The following PTK2 variants were observed in gnomAD, a reference collection of about 807,000 sequenced individuals.
The protein encoded by PTK2 is focal adhesion kinase 1.
Under a neutral mutation model 150.1 loss-of-function variants are expected in PTK2, and 45 were observed. The ratio of observed to expected loss-of-function variants is 0.30; its 90% CI spans 0.24 to 0.38. The LOEUF (loss-of-function observed/expected upper bound fraction) is 0.38, where lower values mean the gene tolerates loss of function less well. Among genes scored for constraint, PTK2 ranks in the 10% least tolerant of loss-of-function variants. The pLI, the probability that PTK2 is intolerant of heterozygous loss-of-function variation, is 1.00. For synonymous variants in PTK2, 432 were observed against 449.2 expected, an observed-to-expected ratio of 0.96 and a Z score of 0.48; for missense variants, 919 against 1,307.3, an observed-to-expected ratio of 0.70 and a Z score of 4.58.
exon 7 of PTK2, chr8:140,846,295 A>G (rs767397696): frequency 6.2e-7 from 1 of 1,612,566 alleles, no homozygotes; most frequent in South Asian, 1.1e-5. Flanking sequence ...TTTCTAGTGC[A>G]TTGCCCCGCA....
At chr8:140,707,563 C>T (rs1168694647) in intron 23 of PTK2, among the ~76,000 whole-genome samples, 1 of 151,792 alleles carries the variant, frequency 6.6e-6, no homozygotes, top group Admixed American at 6.6e-5. Context: ...CGGCACCTCA[C>T]CAGGCTAATT....
chr8:140,681,020 T>C (rs1210669629), intron 27 of PTK2, among the ~76,000 whole-genome samples: 1 of 152,194 alleles, frequency 6.6e-6, no homozygotes, highest in African/African-American at 2.4e-5. Context: ...TAAACAGACA[T>C]CTGCTGATGG....
chr8:140,871,347 TTTACATAA>T lies in PTK2; in HGVS notation c.363-6956_363-6949del, dbSNP rs1403816061. On this transcript the variant is annotated intron_variant, in intron 4 of 31. Transcript: ENST00000522684. ...TTTATTGACCAAATTTCAACAAATG[TTTACATAA>T]TTGGTGACTGGCAATGAAAAATCAG... Among the ~76,000 whole-genome samples the T allele has an allele frequency of 2.6e-5, 4 of 152,326 alleles. No homozygotes were observed. The South Asian group carries it at 6.2e-4, about 24-fold the overall frequency.
At chr8:140,940,448 C>T (rs751257735) in intron 1 of PTK2, 3 of 144,172 alleles carry the variant, frequency 2.1e-5, no homozygotes, top group Non-Finnish European at 4.6e-5. Context: ...GACTCTGTCT[C>T]AAAAAAAAAA....
At chr8:140,987,758 A>G (rs899298402) in intron 1 of PTK2, among the ~76,000 whole-genome samples, 1 of 152,198 alleles carries the variant, frequency 6.6e-6, no homozygotes, top group Non-Finnish European at 1.5e-5. Flanking sequence ...AAGAATTTCA[A>G]CAGGCCAGGT....
chr8:140,687,748 G>C lies in PTK2; in HGVS notation c.2500-1054C>G, dbSNP rs575498122. 9.3e-4 allele frequency among the ~76,000 whole-genome samples: 141 copies of C among 152,260 alleles called. 1 individual carries two copies. The highest frequency in any genetic ancestry group is 3.3e-3 in the African/African-American group (138 of 41,556). On this transcript the variant is annotated intron_variant, in intron 26 of 31. Coordinates refer to ENST00000522684, the Ensembl canonical transcript of PTK2. ...TCTTAACTATCTCTAATCAAAGCGG[G>C]GTCAGTCGTGGGTGCCAGGGTGTAG...
chr8:140,791,481 G>A (rs899885919), intron 13 of PTK2, among the ~76,000 whole-genome samples: 3 of 152,194 alleles, frequency 2.0e-5, no homozygotes, highest in African/African-American at 7.2e-5. Flanking sequence ...TCCAAAGCTA[G>A]AGGTGCACTA....
intron 16 of PTK2, among the ~76,000 whole-genome samples, chr8:140,757,044 T>C (rs571416109): frequency 6.6e-6 from 1 of 152,214 alleles, no homozygotes; most frequent in African/African-American, 2.4e-5. Context: ...AAAAATTATC[T>C]TGTATTTTCA....
intron 8 of PTK2, among the ~76,000 whole-genome samples, chr8:140,826,551 A>G (rs1270680345): frequency 1.3e-5 from 2 of 152,212 alleles, no homozygotes; most frequent in Non-Finnish European, 2.9e-5. Flanking sequence ...CATAGCTAAC[A>G]GTAGCTAAAA....
chr8:140,662,463 T>C (rs1349329641), intron 31 of PTK2, among the ~76,000 whole-genome samples: 1 of 152,182 alleles, frequency 6.6e-6, no homozygotes, highest in African/African-American at 2.4e-5. Context: ...TTCTTGCCTC[T>C]AGCATATGGA....
intron 7 of PTK2, among the ~76,000 whole-genome samples, chr8:140,834,625 G>T (rs896813541): frequency 1.3e-5 from 2 of 152,108 alleles, no homozygotes; most frequent in Middle Eastern, 3.2e-3. Flanking sequence ...AACAGATCAT[G>T]GGATAGAAAA....
chr8:140,785,808 T>C (rs1406272228), intron 14 of PTK2, among the ~76,000 whole-genome samples: 3 of 152,236 alleles, frequency 2.0e-5, no homozygotes, highest in Non-Finnish European at 4.4e-5. Context: ...ATTCTTCATA[T>C]CTGTGAAATG....
At chr8:140,690,465 C>T (rs2100022498) in intron 26 of PTK2, among the ~76,000 whole-genome samples, 1 of 152,074 alleles carries the variant, frequency 6.6e-6, no homozygotes, top group African/African-American at 2.4e-5. Flanking sequence ...CCACCAGGCC[C>T]AACTTACGAT....
intron 10 of PTK2, among the ~76,000 whole-genome samples, chr8:140,808,254 T>C (rs932745816): frequency 2.0e-5 from 3 of 151,942 alleles, no homozygotes; most frequent in Non-Finnish European, 2.9e-5. Context: ...TAAGATGGGA[T>C]AGAAGCCATT....
At chr8:140,927,249 T>C (rs2100169808) in intron 1 of PTK2, 1 of 152,266 alleles carries the variant, frequency 6.6e-6, no homozygotes, top group South Asian at 2.1e-4. Context: ...AGAACTTTTA[T>C]TTTATGGAAA....
At chr8:140,899,168 A>G (rs2100157479) in intron 2 of PTK2, among the ~76,000 whole-genome samples, 1 of 152,196 alleles carries the variant, frequency 6.6e-6, no homozygotes, top group African/African-American at 2.4e-5. Context: ...ACTTTGATAC[A>G]CTTTCTGTTA....
intron 29 of PTK2, chr8:140,674,034 T>C: frequency 1.7e-6 from 1 of 590,210 alleles, no homozygotes; most frequent in Non-Finnish European, 3.2e-6. Context: ...AAGATGTATG[T>C]AGAAAATCAG....
intron 14 of PTK2, among the ~76,000 whole-genome samples, chr8:140,787,401 T>C (rs984750290): frequency 1.4e-4 from 21 of 152,152 alleles, no homozygotes; most frequent in African/African-American, 3.9e-4. Context: ...TACAAGAACA[T>C]AGAACTTAAA....
At chr8:140,884,441 C>T (rs1048017078) in intron 3 of PTK2, among the ~76,000 whole-genome samples, 1 of 152,026 alleles carries the variant, frequency 6.6e-6, no homozygotes, top group Non-Finnish European at 1.5e-5. Flanking sequence ...TATTTGAATC[C>T]GTAACAATCA....
Sources: gnomAD v4.1 joint callset for allele counts (sites outside exome capture counted in the v4.1 genomes callset) on GRCh38, gnomAD v4.1.1 for gene constraint, MANE v1.5 for transcripts, NCBI Gene and HGNC (gene_info 2026-07-23, HGNC 2026-07-21) for gene names.